SVIL: variants seen among roughly 807,000 people sequenced by gnomAD.
The protein encoded by SVIL is supervillin.
SVIL carries 101 observed loss-of-function variants against 240.4 expected under a neutral mutation model. The observed-to-expected ratio is 0.42, with a 90% confidence interval of 0.36 to 0.50. The LOEUF (loss-of-function observed/expected upper bound fraction) is 0.50, where lower values mean the gene tolerates loss of function less well. Ranked by LOEUF, SVIL falls within the 20% of genes least tolerant of loss-of-function variation. The pLI is 0.01. For synonymous variants in SVIL, 999 were observed against 1,100.0 expected (o/e 0.91, Z 1.82); for missense variants, 2,512 against 2,818.7 (o/e 0.89, Z 2.46).
intron 16 of SVIL, among the ~76,000 whole-genome samples, chr10:29,517,405 C>A (rs1351204083): frequency 5.9e-5 from 9 of 151,692 alleles, no homozygotes; most frequent in Non-Finnish European, 7.4e-5. Context: ...CCAGCCTGGA[C>A]AACAGTGCCA....
intron 16 of SVIL, among the ~76,000 whole-genome samples, chr10:29,516,041 C>T (rs868399462): frequency 2.8e-4 from 43 of 152,316 alleles, no homozygotes; most frequent in South Asian, 4.1e-4. Context: ...GGCAGAGAGA[C>T]GTGACTGCAG....
At chr10:29,639,469 C>CTT (rs138064127), upstream of SVIL, among the ~76,000 whole-genome samples, 7 of 125,446 alleles carry the variant, frequency 5.6e-5, no homozygotes, top group South Asian at 2.6e-4. Context: ...GCGCCTGGCC[C>CTT]TTTTTTTTTT....
chr10:29,482,234 A>G (rs1219302751), intron 27 of SVIL, among the ~76,000 whole-genome samples: 1 of 151,772 alleles, frequency 6.6e-6, no homozygotes, highest in African/African-American at 2.4e-5. Context: ...GGGTCTCGCT[A>G]TGTTGCTCAG....
intron 9 of SVIL, 152 bp downstream of exon 9, chr10:29,531,850 A>C: frequency 1.1e-6 from 1 of 928,738 alleles, no homozygotes. Flanking sequence ...AAGACTTTTA[A>C]ATAAGCCAAA....
At chr10:29,678,812 C>T (rs1023026768) in intron 2 of SVIL, among the ~76,000 whole-genome samples, 2 of 152,228 alleles carry the variant, frequency 1.3e-5, no homozygotes, top group African/African-American at 4.8e-5. Context: ...TTCTGCAGCT[C>T]TCCTCTCACA....
chr10:29,667,443 G>A (rs1238897663), intron 2 of SVIL, among the ~76,000 whole-genome samples: 4 of 152,174 alleles, frequency 2.6e-5, no homozygotes, highest in African/African-American at 9.6e-5. Flanking sequence ...GTCGTTGCCA[G>A]AATTTGGGGG....
In SVIL at chr10:29,493,366, G is replaced by A. The variant is rs1401696191; in HGVS notation, c.3867C>T (p.Leu1289=). The change falls in exon 21 of 38, where the codon CTC becomes CTT. Residue 1289 remains leucine (L), a synonymous_variant. Transcript: ENST00000355867. Reference sequence around the variant, plus strand: ...CCTTCACAGATTTGCCGGTGACAGTGAGCACCGTTTCGTGCATCCCGCCAA... The same window carrying A: ...CCTTCACAGATTTGCCGGTGACAGTAAGCACCGTTTCGTGCATCCCGCCAA... ...NKVGGMHETV[L]TVTGKSVKEV... 2 of 1,614,132 alleles carry A rather than the reference G, an allele frequency of 1.2e-6. No homozygotes were observed. Among genetic ancestry groups the A allele is most frequent in the Admixed American group, 3.3e-5 (2 of 60,028 alleles).
intron 18 of SVIL, among the ~76,000 whole-genome samples, chr10:29,496,205 C>A (rs189793795): frequency 3.9e-5 from 6 of 152,154 alleles, no homozygotes; most frequent in Non-Finnish European, 5.9e-5. Context: ...GTTTAAAACT[C>A]AAGTTTTAGT....
intron 16 of SVIL, among the ~76,000 whole-genome samples, chr10:29,517,586 C>T (rs1011489897): frequency 1.3e-5 from 2 of 152,186 alleles, no homozygotes; most frequent in Non-Finnish European, 2.9e-5. Flanking sequence ...GGGAGACAGC[C>T]TCTGGCTGGG....
At chr10:29,653,097 C>T (rs2505919) in intron 3 of SVIL, among the ~76,000 whole-genome samples, 37,955 of 151,554 alleles carry the variant, frequency 0.25, 4,788 homozygotes, top group East Asian at 0.29. Flanking sequence ...CCCAAAGTGC[C>T]AGGATTACAG....
At chr10:29,494,583 C>G (rs1297224714) in intron 20 of SVIL, among the ~76,000 whole-genome samples, 3 of 152,112 alleles carry the variant, frequency 2.0e-5, no homozygotes, top group African/African-American at 2.4e-5. Flanking sequence ...ATAATATTAG[C>G]TTTTACCTTA....
chr10:29,620,810 G>T (rs543955742), intron 1 of SVIL, among the ~76,000 whole-genome samples: 12 of 152,110 alleles, frequency 7.9e-5, no homozygotes, highest in African/African-American at 2.7e-4. Flanking sequence ...GCAGAGATGG[G>T]GTTTCACCAT....
intron 21 of SVIL, among the ~76,000 whole-genome samples, chr10:29,492,298 T>C (rs1008187513): frequency 2.4e-4 from 36 of 152,098 alleles, no homozygotes; most frequent in African/African-American, 7.7e-4. Context: ...CTTGGACTAC[T>C]GGGAAGAAAA....
chr10:29,554,810 C>T lies in SVIL; in HGVS notation c.133G>A (p.Ala45Thr), dbSNP rs764299655. Reference protein sequence around the residue: ...LEEDTPRYMRASDPASPHIGR... With the variant: ...LEEDTPRYMRTSDPASPHIGR... ...ATGTGGGGGCTGGCAGGGTCGCTGG[C>T]TCTCATGTATCGAGGGGTGTCTTCC... The change falls in exon 5 of 38, where the codon GCC (alanine) becomes ACC (threonine). Residue 45 changes from alanine to threonine, a missense_variant. By Grantham distance (58) the Ala-to-Thr change is moderately conservative. This residue lies in a region of SVIL where 1,443 missense variants were observed against 1,486.6 expected (regional missense o/e 0.97). Coordinates refer to ENST00000355867, the MANE Select transcript of SVIL (RefSeq NM_021738.3). 5 of 1,609,048 alleles carry T rather than the reference C, an allele frequency of 3.1e-6. No homozygotes were observed. The highest frequency in any genetic ancestry group is 8.5e-7 in the Non-Finnish European group (1 of 1,177,736).
At chr10:29,514,470 G>T (rs1312197783) in intron 16 of SVIL, among the ~76,000 whole-genome samples, 2 of 152,108 alleles carry the variant, frequency 1.3e-5, no homozygotes, top group Non-Finnish European at 2.9e-5. Context: ...TTGAACTCCC[G>T]GGCTCAAGCA....
At chr10:29,541,956 C>T (rs1010933215) in intron 6 of SVIL, among the ~76,000 whole-genome samples, 2 of 152,154 alleles carry the variant, frequency 1.3e-5, no homozygotes, top group African/African-American at 2.4e-5. Flanking sequence ...AGAGCTTTGT[C>T]GTATAAACAA....
At chr10:29,645,978 G>A (rs1267889611) in intron 3 of SVIL, among the ~76,000 whole-genome samples, 2 of 152,186 alleles carry the variant, frequency 1.3e-5, no homozygotes, top group Admixed American at 6.5e-5. Context: ...CCTTGCTACA[G>A]CTCCCTTCAG....
intron 6 of SVIL, among the ~76,000 whole-genome samples, chr10:29,550,021 A>T (rs1177680215): frequency 1.6e-5 from 1 of 62,536 alleles, no homozygotes; most frequent in Non-Finnish European, 3.3e-5. Context: ...TTAAAGTATA[A>T]AAAAAAAAAA....
intron 6 of SVIL, among the ~76,000 whole-genome samples, chr10:29,543,548 C>T (rs1290890616): frequency 6.6e-6 from 1 of 151,936 alleles, no homozygotes; most frequent in Non-Finnish European, 1.5e-5. Context: ...GATTTTTTTT[C>T]CATCTAAATT....
Sources: allele counts gnomAD v4.1 joint callset (sites outside exome capture counted in the v4.1 genomes callset), GRCh38; gene constraint gnomAD v4.1.1; regional missense constraint gnomAD v4.1.1; transcripts MANE v1.5; gene names NCBI Gene and HGNC (gene_info 2026-07-23, HGNC 2026-07-21).